NRXN3: variants seen among roughly 807,000 people sequenced by gnomAD.
NRXN3 encodes the protein neurexin III.
A neutral mutation model predicts 137.6 loss-of-function variants in NRXN3; 32 were observed. That is an observed-to-expected ratio of 0.23 (90% confidence interval 0.18 to 0.31). NRXN3 has a LOEUF of 0.31. Ranked by LOEUF, NRXN3 falls within the 10% of genes least tolerant of loss-of-function variation. NRXN3 has a pLI of 1.00. For missense variants in NRXN3, 1,574 were observed against 2,062.5 expected, an observed-to-expected ratio of 0.76 and a Z score of 4.59; for synonymous variants, 798 against 784.5, an observed-to-expected ratio of 1.02 and a Z score of -0.29.
intron 19 of NRXN3, among the ~76,000 whole-genome samples, chr14:79,709,850 C>CATTT (rs2098796239): frequency 6.6e-6 from 1 of 152,084 alleles, no homozygotes; most frequent in Admixed American, 6.6e-5. Flanking sequence ...TCTCTGAGGC[C>CATTT]ATTTCTCATT....
intron 15 of NRXN3, among the ~76,000 whole-genome samples, chr14:79,213,648 A>C (rs2068046660): frequency 6.6e-6 from 1 of 151,820 alleles, no homozygotes; most frequent in African/African-American, 2.4e-5. Context: ...CGGGAACAAA[A>C]CAATAAACAC....
intron 15 of NRXN3, among the ~76,000 whole-genome samples, chr14:79,304,735 G>T (rs114412360): frequency 0.012 from 1,868 of 152,166 alleles, 38 homozygotes; most frequent in African/African-American, 0.043. Flanking sequence ...TGCAATTCAA[G>T]CAAGTCTAAG....
intron 15 of NRXN3, among the ~76,000 whole-genome samples, chr14:79,125,543 T>C (rs2056255679): frequency 6.6e-6 from 1 of 152,198 alleles, no homozygotes; most frequent in Non-Finnish European, 1.5e-5. Context: ...AGCACCTGCT[T>C]AGACAACTCC....
chr14:79,605,509 AC>A (rs1407281155), intron 16 of NRXN3, among the ~76,000 whole-genome samples: 4 of 151,714 alleles, frequency 2.6e-5, no homozygotes, highest in Non-Finnish European at 4.4e-5. Context: ...CTTTTTTGAG[AC>A]AGAGTCTTGC....
intron 19 of NRXN3, among the ~76,000 whole-genome samples, chr14:79,772,404 G>C (rs2099081561): frequency 6.6e-6 from 1 of 152,080 alleles, no homozygotes; most frequent in African/African-American, 2.4e-5. Flanking sequence ...AAGCAAAACA[G>C]CATGGTACTG....
At chr14:78,666,818 C>T (rs2097890926) in intron 6 of NRXN3, among the ~76,000 whole-genome samples, 1 of 152,056 alleles carries the variant, frequency 6.6e-6, no homozygotes, top group African/African-American at 2.4e-5. Context: ...CTCTTTGTGC[C>T]ATTCTTTGGA....
rs1598774825 is a variant in NRXN3 at position 78,446,284 on chromosome 14, C to T, written c.757+148424C>T. 5.3e-5 allele frequency among the ~76,000 whole-genome samples: 8 copies of T among 152,184 alleles called. No individual in the cohort carries two copies. The South Asian group carries it at 1.7e-3, about 32-fold the overall frequency. ...TTTTATTTTTATCTTGGTACCAGGT[C>T]AATGAGTTGAGTGGGGCCTGGGGAA... On this transcript the variant is annotated intron_variant, in intron 4 of 20. Transcript: ENST00000335750.
chr14:79,385,945 G>A (rs1319273700), intron 15 of NRXN3, among the ~76,000 whole-genome samples: 1 of 152,044 alleles, frequency 6.6e-6, no homozygotes, highest in South Asian at 2.1e-4. Context: ...GTATTGATGG[G>A]ACGTACCTCA....
At chr14:78,515,055 G>T (rs887920911) in intron 4 of NRXN3, among the ~76,000 whole-genome samples, 6 of 152,148 alleles carry the variant, frequency 3.9e-5, no homozygotes, top group Non-Finnish European at 7.4e-5. Flanking sequence ...TGAGGTCTAA[G>T]CCACAGTGCT....
chr14:79,475,080 C>G (rs962239327), intron 16 of NRXN3, among the ~76,000 whole-genome samples: 2 of 152,100 alleles, frequency 1.3e-5, no homozygotes, highest in Admixed American at 6.6e-5. Flanking sequence ...AATGGAGGTA[C>G]AGCCAGACTG....
intron 1 of NRXN3, among the ~76,000 whole-genome samples, chr14:78,237,280 C>G (rs2066440782): frequency 1.3e-5 from 2 of 152,140 alleles, no homozygotes; most frequent in East Asian, 3.9e-4. Flanking sequence ...AGTCAGGACT[C>G]TTGGTCACAA....
intron 16 of NRXN3, among the ~76,000 whole-genome samples, chr14:79,614,745 C>T (rs150724273): frequency 7.2e-5 from 11 of 152,038 alleles, no homozygotes; most frequent in African/African-American, 2.2e-4. Context: ...AGACTGTATT[C>T]TATTTCCATA....
intron 11 of NRXN3, among the ~76,000 whole-genome samples, chr14:78,962,222 C>A (rs2152983667): frequency 6.6e-6 from 1 of 152,306 alleles, no homozygotes; most frequent in African/African-American, 2.4e-5. Context: ...GAATCTTGAT[C>A]AAACTGCTTA....
At chr14:79,390,444 G>A (rs1353578177) in intron 15 of NRXN3, among the ~76,000 whole-genome samples, 1 of 151,912 alleles carries the variant, frequency 6.6e-6, no homozygotes, top group Non-Finnish European at 1.5e-5. Context: ...TGCTGCTACA[G>A]TGTAAGTTGA....
At chr14:78,451,840 G>A (rs2094558953) in intron 4 of NRXN3, among the ~76,000 whole-genome samples, 1 of 152,208 alleles carries the variant, frequency 6.6e-6, no homozygotes. Flanking sequence ...CTTCAGACCA[G>A]CCTTATTTGC....
rs146893960 is a variant in NRXN3 at position 79,665,687 on chromosome 14, T to C, written c.3616+1738T>C. The stretch of plus-strand genomic sequence containing the variant: ...ATGTTAACCACTTGCCTTGAGCCAA[T>C]ATAGAATCTACAAGTTTGCTGCCAG... On this transcript the variant is annotated intron_variant, in intron 17 of 20. Coordinates refer to ENST00000335750, the MANE Select transcript of NRXN3 (RefSeq NM_001330195.2). 1.5e-4 allele frequency among the ~76,000 whole-genome samples: 23 copies of C among 152,260 alleles called. No homozygotes were observed. The East Asian group carries it at 4.5e-3, about 29-fold the overall frequency.
intron 10 of NRXN3, among the ~76,000 whole-genome samples, chr14:78,864,014 T>C (rs1454361720): frequency 6.6e-6 from 1 of 152,128 alleles, no homozygotes; most frequent in Non-Finnish European, 1.5e-5. Context: ...GTCTTTGAAA[T>C]TGGTAAAATA....
chr14:78,896,475 A>G (rs2099175248), intron 10 of NRXN3, among the ~76,000 whole-genome samples: 1 of 151,848 alleles, frequency 6.6e-6, no homozygotes, highest in Admixed American at 6.6e-5. Context: ...GCGTCCTAGT[A>G]TATTCAGCTC....
chr14:79,386,110 C>T (rs1430465807), intron 15 of NRXN3, among the ~76,000 whole-genome samples: 2 of 152,076 alleles, frequency 1.3e-5, no homozygotes, highest in African/African-American at 2.4e-5. Flanking sequence ...CCAGGGCAAT[C>T]AGGCAGGAGA....
Sources: allele counts gnomAD v4.1 joint callset (sites outside exome capture counted in the v4.1 genomes callset), GRCh38; gene constraint gnomAD v4.1.1; transcripts MANE v1.5; gene names NCBI Gene and HGNC (gene_info 2026-07-23, HGNC 2026-07-21).